PFDN1: variants seen among roughly 807,000 people sequenced by gnomAD.
PFDN1 encodes the protein prefoldin subunit 1.
Under a neutral mutation model 17.3 loss-of-function variants are expected in PFDN1, and 6 were observed. The ratio of observed to expected loss-of-function variants is 0.35; its 90% CI spans 0.19 to 0.69. The LOEUF (loss-of-function observed/expected upper bound fraction) is 0.69. Ranked by LOEUF, PFDN1 falls within the 30% of genes least tolerant of loss-of-function variation. The probability of loss-of-function intolerance (pLI) is 0.65; values close to 1 mark genes in which losing one functional copy is unlikely to be tolerated. For missense variants in PFDN1, 113 were observed against 146.2 expected (o/e 0.77, Z 1.17); for synonymous variants, 58 against 50.1 (o/e 1.16, Z -0.67).
chr5:140,254,508 G>A lies in PFDN1; in HGVS notation c.286-8451C>T, dbSNP rs1171919143. On this transcript the variant is annotated intron_variant, in intron 3 of 3. Coordinates refer to ENST00000261813, the MANE Select transcript of PFDN1 (RefSeq NM_002622.5). The surrounding 1 kb of genome is among the most constrained non-coding windows in gnomAD (Gnocchi z 4.4). ...TCTTCCAGTATCCTGGGCACTATCC[G>A]TCATCATCAGTGGCTCCCTGTCTCC... Among the ~76,000 whole-genome samples, 5 of 151,962 alleles carry A rather than the reference G, an allele frequency of 3.3e-5. No homozygotes were observed. Among genetic ancestry groups the A allele is most frequent in the Non-Finnish European group, 7.4e-5 (5 of 68,002 alleles).
intron 3 of PFDN1, among the ~76,000 whole-genome samples, chr5:140,276,425 C>T (rs1712198235): frequency 6.6e-6 from 1 of 152,008 alleles, no homozygotes. Context: ...GGAGGAAGTT[C>T]CCAAGTGGAG....
chr5:140,246,066 TGA>T lies in PFDN1; in HGVS notation c.286-11_286-10del, dbSNP rs778178626. 7 of 1,525,836 alleles carry T rather than the reference TGA, an allele frequency of 4.6e-6. No individual in the cohort carries two copies. Among genetic ancestry groups the T allele is most frequent in the Non-Finnish European group, 5.3e-6 (6 of 1,121,840 alleles). The allele number at this position is 1,525,836 out of a possible 1,614,324, so 94.5% of individuals were successfully genotyped here. ...AGGTAGGACTTTTTCTGCTGCAATA[TGA>T]GAGACAGACAAAGGTTAGGACCAGA... On this transcript the variant is annotated splice_polypyrimidine_tract_variant and intron_variant, in intron 3 of 3. Transcript: ENST00000261813.
rs1261714282 is a variant in PFDN1, at chr5:140,300,448, A to G, written c.168T>C (p.Asp56=). ...CTACACCTTCATACATGTTAGTCTC[A>G]TCTACCAAAGTCATGATCTCTGTAT... ...LTDTEIMTLV[D]ETNMYEGVGR... The change falls in exon 2 of 4, where the codon GAT becomes GAC. Residue 56 remains aspartate, a synonymous_variant. Transcript: ENST00000261813. 1.9e-6 allele frequency: 3 copies of G among 1,609,602 alleles called. No homozygotes were observed. The South Asian group carries it at 3.3e-5, about 18-fold the overall frequency.
intron 2 of PFDN1, among the ~76,000 whole-genome samples, chr5:140,287,983 T>C (rs1162813174): frequency 2.0e-5 from 3 of 152,162 alleles, no homozygotes; most frequent in Non-Finnish European, 4.4e-5. Flanking sequence ...CCACTGATGG[T>C]GGGAATGCAA....
chr5:140,285,655 A>T (rs914640002), intron 2 of PFDN1, among the ~76,000 whole-genome samples: 5 of 151,696 alleles, frequency 3.3e-5, no homozygotes, highest in African/African-American at 7.3e-5. Flanking sequence ...GGAAAAAAAA[A>T]TTTTTTTTTA....
chr5:140,251,086 C>G (rs1020934080), intron 3 of PFDN1, among the ~76,000 whole-genome samples: 1 of 151,918 alleles, frequency 6.6e-6, no homozygotes, highest in Non-Finnish European at 1.5e-5. Flanking sequence ...CAGGTGAGTA[C>G]CACCACACCC....
intron 2 of PFDN1, among the ~76,000 whole-genome samples, chr5:140,293,610 A>G (rs921553811): frequency 2.0e-5 from 3 of 152,080 alleles, no homozygotes; most frequent in African/African-American, 2.4e-5. Context: ...AATAATTATT[A>G]AAAAGTACTC....
In PFDN1 at chr5:140,245,607, C is replaced by A; in HGVS notation, c.*367G>T. ...GCCTCTCTCACCCTCTGTTCCATCC[C>A]TCTGCTCAAGAAAACCAGGCTTAGC... On this transcript the variant is annotated 3_prime_UTR_variant, in exon 4 of 4. Transcript: ENST00000261813. 1.4e-6 allele frequency: 1 copy of A among 701,376 alleles called. No individual in the cohort carries two copies. Among genetic ancestry groups the A allele is most frequent in the South Asian group, 1.5e-5 (1 of 67,460 alleles). The allele number at this position is 701,376 out of a possible 1,614,324, so 43.4% of individuals were successfully genotyped here. A position where few individuals can be genotyped will look rare whatever the true frequency, so the allele number is the denominator to read the frequency against.
intron 3 of PFDN1, among the ~76,000 whole-genome samples, chr5:140,259,317 A>C (rs1418310095): frequency 1.3e-5 from 2 of 152,222 alleles, no homozygotes; most frequent in South Asian, 2.1e-4. Context: ...GTCAGGACAA[A>C]TAACGTTAAC....
intron 3 of PFDN1, among the ~76,000 whole-genome samples, chr5:140,256,314 A>G (rs1764984845): frequency 6.6e-6 from 1 of 151,978 alleles, no homozygotes; most frequent in Non-Finnish European, 1.5e-5. Flanking sequence ...CAGGAGGCAG[A>G]TGTTGCAGTG....
At position 140,297,634 on chromosome 5, in the gene PFDN1, A is replaced by G. The variant is rs138494365; in HGVS notation, c.200+2782T>C. Among the ~76,000 whole-genome samples the G allele has an allele frequency of 4.6e-5, 7 of 152,334 alleles. No homozygotes were observed. In the East Asian group the frequency reaches 1.2e-3, roughly 25 times the overall value. On this transcript the variant is annotated intron_variant, in intron 2 of 3. Transcript: ENST00000261813. ...ACTTCTTTTAAGAAACGTAATTTATATGAAATAAACCTTCTGGAAATAATA... is the reference window on the plus strand; with the variant it reads ...ACTTCTTTTAAGAAACGTAATTTATGTGAAATAAACCTTCTGGAAATAATA...
Position 140,278,564 on chromosome 5 carries a change from A to G in PFDN1, c.285+2885T>C, listed in dbSNP as rs1765337830. 5.5e-5 allele frequency among the ~76,000 whole-genome samples: 8 copies of G among 146,570 alleles called. 1 individual carries two copies. The South Asian group carries it at 1.7e-3, about 31-fold the overall frequency. On this transcript the variant is annotated intron_variant, in intron 3 of 3. Transcript: ENST00000261813. ...CAGAATGAGACTCTGTCTCAAAAAA[A>G]AAAAAAAAAAAAAAAAAAAAAAACA...
intron 2 of PFDN1, among the ~76,000 whole-genome samples, chr5:140,290,862 G>C (rs1256118012): frequency 2.0e-5 from 3 of 152,140 alleles, no homozygotes; most frequent in African/African-American, 4.8e-5. Context: ...ATAGAGGGTA[G>C]AAGAAGGGAA....
chr5:140,257,460 T>C (rs1163469955), intron 3 of PFDN1, among the ~76,000 whole-genome samples: 1 of 152,198 alleles, frequency 6.6e-6, no homozygotes, highest in Non-Finnish European at 1.5e-5. Flanking sequence ...ATGTTCTTCC[T>C]TGAGATACTT....
chr5:140,261,328 A>G (rs1441699615), intron 3 of PFDN1, among the ~76,000 whole-genome samples: 9 of 152,338 alleles, frequency 5.9e-5, no homozygotes, highest in Non-Finnish European at 2.9e-5. Flanking sequence ...AAACTGCCAT[A>G]TTAATTGTTA....
intron 2 of PFDN1, among the ~76,000 whole-genome samples, chr5:140,286,640 C>T (rs1479982181): frequency 8.9e-6 from 1 of 112,710 alleles, no homozygotes; most frequent in Non-Finnish European, 1.7e-5. Flanking sequence ...CAGTCTTGCT[C>T]TGTTGCCCAG....
intron 3 of PFDN1, among the ~76,000 whole-genome samples, chr5:140,276,363 A>G (rs999895783): frequency 6.6e-6 from 1 of 152,234 alleles, no homozygotes; most frequent in Admixed American, 6.5e-5. Flanking sequence ...CAGGAGAAGT[A>G]ATTCTATGCT....
chr5:140,256,492 T>C (rs1764986695), intron 3 of PFDN1, among the ~76,000 whole-genome samples: 1 of 151,902 alleles, frequency 6.6e-6, no homozygotes. Flanking sequence ...ATTTAACATA[T>C]CCAATTATTT....
chr5:140,269,056 A>C (rs1041710836), intron 3 of PFDN1, among the ~76,000 whole-genome samples: 4 of 152,180 alleles, frequency 2.6e-5, no homozygotes, highest in Non-Finnish European at 5.9e-5. Context: ...TCTGTCACCC[A>C]GGCTGGAGTA....
Sources: allele counts gnomAD v4.1 joint callset (sites outside exome capture counted in the v4.1 genomes callset), GRCh38; gene constraint gnomAD v4.1.1; non-coding constraint Gnocchi (gnomAD v3.1); transcripts MANE v1.5; gene names NCBI Gene and HGNC (gene_info 2026-07-23, HGNC 2026-07-21).